The following SPMIP7 variants were observed in gnomAD, a reference collection of about 807,000 sequenced individuals.
The protein encoded by SPMIP7 is protein SPMIP7.
the SPMIP7 span, among the ~76,000 whole-genome samples, chr7:50,130,247 A>T: frequency 2.6e-5 from 4 of 152,160 alleles, no homozygotes; most frequent in Non-Finnish European, 5.9e-5. Context: ...CATACCAGAG[A>T]CTAGGCAATT....
chr7:50,126,212 A>G, the SPMIP7 span, among the ~76,000 whole-genome samples: 1 of 117,098 alleles, frequency 8.5e-6, no homozygotes, highest in African/African-American at 3.6e-5. Context: ...GAGAATACAC[A>G]TCATCAATAT....
At chr7:50,101,057 G>A in the SPMIP7 span, among the ~76,000 whole-genome samples, 1 of 152,276 alleles carries the variant, frequency 6.6e-6, no homozygotes, top group African/African-American at 2.4e-5. Flanking sequence ...AAGAAGTGAT[G>A]AATGGTAGCT....
the SPMIP7 span, chr7:50,096,164 A>C: frequency 6.4e-7 from 1 of 1,551,204 alleles, no homozygotes; most frequent in Non-Finnish European, 8.7e-7. Context: ...TGTTGAGAAT[A>C]TAGATTACCC....
chr7:50,145,642 A>G, the SPMIP7 span, among the ~76,000 whole-genome samples: 628 of 107,872 alleles, frequency 5.8e-3, 51 homozygotes, highest in African/African-American at 0.019. Flanking sequence ...ATATATATAT[A>G]TATATATATA....
the SPMIP7 span, among the ~76,000 whole-genome samples, chr7:50,109,264 C>T: frequency 1.3e-5 from 2 of 152,072 alleles, no homozygotes; most frequent in Non-Finnish European, 1.5e-5. Flanking sequence ...AGGAGATAAA[C>T]ACAACTTCAT....
At chr7:50,115,350 G>T in the SPMIP7 span, among the ~76,000 whole-genome samples, 58 of 152,026 alleles carry the variant, frequency 3.8e-4, no homozygotes, top group African/African-American at 1.4e-3. Flanking sequence ...CAGATTTACC[G>T]TTAGTAGATA....
At chr7:50,117,183 T>G in the SPMIP7 span, 1 of 447,342 alleles carries the variant, frequency 2.2e-6, no homozygotes, top group Non-Finnish European at 4.5e-6. Context: ...GTTTTATGAC[T>G]TCCAAATTAT....
the SPMIP7 span, chr7:50,141,498 T>C: frequency 4.3e-6 from 3 of 705,654 alleles, no homozygotes; most frequent in African/African-American, 5.3e-5. Flanking sequence ...TGAACATTGC[T>C]GAAGAAGAAA....
chr7:50,108,131 C>A, the SPMIP7 span, among the ~76,000 whole-genome samples: 2 of 152,202 alleles, frequency 1.3e-5, no homozygotes, highest in South Asian at 2.1e-4. Flanking sequence ...AACTAAGGAA[C>A]ATTTAGAGTT....
At chr7:50,121,872 G>A in the SPMIP7 span, among the ~76,000 whole-genome samples, 4 of 151,938 alleles carry the variant, frequency 2.6e-5, no homozygotes, top group South Asian at 6.2e-4. Flanking sequence ...GACCAGGCTG[G>A]CCTTGAACTC....
At chr7:50,113,685 C>A in the SPMIP7 span, among the ~76,000 whole-genome samples, 1 of 151,606 alleles carries the variant, frequency 6.6e-6, no homozygotes. Flanking sequence ...TACTGCGGAA[C>A]GGTATCTAGT....
At chr7:50,117,924 A>C in the SPMIP7 span, among the ~76,000 whole-genome samples, 1 of 152,268 alleles carries the variant, frequency 6.6e-6, no homozygotes, top group Admixed American at 6.5e-5. Context: ...AAGCAAATGC[A>C]CTCCTTTCTG....
the SPMIP7 span, among the ~76,000 whole-genome samples, chr7:50,111,293 G>C: frequency 1.3e-5 from 2 of 152,008 alleles, no homozygotes; most frequent in South Asian, 4.2e-4. Context: ...GGAGAAAATG[G>C]GTTCCTGCTT....
the SPMIP7 span, among the ~76,000 whole-genome samples, chr7:50,125,139 C>G: frequency 3.3e-5 from 1 of 29,920 alleles, no homozygotes; most frequent in Non-Finnish European, 5.6e-5. Flanking sequence ...CACACACACA[C>G]ACATATACAC....
At chr7:50,134,377 AATAT>A in the SPMIP7 span, 1,616 of 488,514 alleles carry the variant, frequency 3.3e-3, 36 homozygotes, top group Middle Eastern at 0.015. Flanking sequence ...AAGATAAGTA[AATAT>A]ATATACACAC....
At chr7:50,119,771 C>T in the SPMIP7 span, among the ~76,000 whole-genome samples, 1,181 of 152,232 alleles carry the variant, frequency 7.8e-3, 24 homozygotes, top group African/African-American at 0.027. Context: ...GTTGTGCTTC[C>T]GAGCATTGAA....
At chr7:50,149,578 C>CA in the SPMIP7 span, among the ~76,000 whole-genome samples, 1 of 152,184 alleles carries the variant, frequency 6.6e-6, no homozygotes, top group Non-Finnish European at 1.5e-5. Context: ...GGGCTGCCCC[C>CA]ACTCTTTAGC....
chr7:50,108,097 A>G, the SPMIP7 span, among the ~76,000 whole-genome samples: 1 of 152,220 alleles, frequency 6.6e-6, no homozygotes, highest in Non-Finnish European at 1.5e-5. Context: ...GTTCTACTTC[A>G]ATGTGATTAC....
the SPMIP7 span, among the ~76,000 whole-genome samples, chr7:50,111,175 T>A: frequency 6.6e-6 from 1 of 150,928 alleles, no homozygotes; most frequent in African/African-American, 2.4e-5. Flanking sequence ...ATACCCGAGA[T>A]TTGTTGTCCC....
Sources: gnomAD v4.1 joint callset for allele counts (sites outside exome capture counted in the v4.1 genomes callset) on GRCh38, gnomAD v4.1.1 for gene constraint, MANE v1.5 for transcripts, NCBI Gene and HGNC (gene_info 2026-07-23, HGNC 2026-07-21) for gene names.